Variants in PRPF40B observed in about 807,000 individuals in gnomAD.
PRPF40B encodes the protein pre-mRNA processing factor 40B.
Under a neutral mutation model 124.5 loss-of-function variants are expected in PRPF40B, and 56 were observed. That is an observed-to-expected ratio of 0.45 (90% confidence interval 0.36 to 0.56). PRPF40B has a LOEUF of 0.56. Ranked by LOEUF, PRPF40B falls within the 20% of genes least tolerant of loss-of-function variation. The probability of loss-of-function intolerance (pLI) is 0.00; values close to 1 mark genes in which losing one functional copy is unlikely to be tolerated. For missense variants in PRPF40B, 1,053 were observed against 1,169.5 expected (o/e 0.90, Z 1.45); for synonymous variants, 443 against 426.4 (o/e 1.04, Z -0.48).
At chr12:49,622,715 T>G (rs1940320303), upstream of PRPF40B, 1 of 152,280 alleles carries the variant, frequency 6.6e-6, no homozygotes, top group Non-Finnish European at 1.5e-5. Context: ...TAGCACGGCA[T>G]CACGCGAGTC....
chr12:49,638,823 C>T (rs1335008693), intron 18 of PRPF40B: 1 of 152,170 alleles, frequency 6.6e-6, no homozygotes, highest in Non-Finnish European at 1.5e-5. Context: ...CACCAGAGTA[C>T]ACCTAATTAC....
In PRPF40B at chr12:49,642,586, G is replaced by A. The variant is rs752368520; in HGVS notation, c.2029G>A (p.Glu677Lys). 2.5e-6 allele frequency: 4 copies of A among 1,614,088 alleles called. No individual in the cohort carries two copies. The South Asian group carries it at 4.4e-5, about 18-fold the overall frequency. Reference protein sequence around the residue: ...ELGTAWEEVRERFVCDSAFEQ... With the variant: ...ELGTAWEEVRKRFVCDSAFEQ... ...AGTGCTCTCCTCGTTCAAGGTCCGT[G>A]AGCGTTTTGTGTGTGACTCAGCCTT... The change falls in exon 21 of 26, where the codon GAG becomes AAG. Residue 677 changes from glutamate to lysine, a missense_variant. Glu to Lys is a moderately conservative substitution (Grantham distance 56, BLOSUM62 1). Coordinates refer to ENST00000548825, the MANE Select transcript of PRPF40B (RefSeq NM_001031698.3). This position sits in a 1 kb window ranked among gnomAD's most constrained non-coding sequence, Gnocchi z 5.8.
chr12:49,634,319 C>A lies in PRPF40B; in HGVS notation c.813-13C>A. The stretch of plus-strand genomic sequence containing the variant: ...CTGGGGGACCCTGTGGCTGAGTCCC[C>A]TGTGCCCTCCAGTTCTGGACAGCAT... On this transcript the variant is annotated splice_polypyrimidine_tract_variant and intron_variant, in intron 10 of 25. Transcript: ENST00000548825. The A allele has an allele frequency of 6.2e-7, 1 of 1,614,142 alleles. No individual in the cohort carries two copies. The highest frequency in any genetic ancestry group is 1.1e-5 in the South Asian group (1 of 91,046).
rs1475788895 is a variant in PRPF40B at position 49,635,742 on chromosome 12, C to T, written c.1276-101C>T. 2.1e-6 allele frequency: 3 copies of T among 1,426,288 alleles called. No homozygotes were observed. Among genetic ancestry groups the T allele is most frequent in the African/African-American group, 2.8e-5 (2 of 71,018 alleles). 88.4% of individuals were successfully genotyped at this position (1,426,288 alleles called of 1,614,324 possible). ...TGAAAGTCTTGAGTATGGCCTTCTT[C>T]CTAGGGTTCCCTAGCTACCTTTCCC... is the stretch of plus-strand genomic sequence containing the variant. On this transcript the variant is annotated intron_variant, in intron 14 of 25. Coordinates refer to ENST00000548825, the MANE Select transcript of PRPF40B (RefSeq NM_001031698.3). This position sits in a 1 kb window ranked among gnomAD's most constrained non-coding sequence, Gnocchi z 4.1.
intron 18 of PRPF40B, chr12:49,640,680 G>A (rs1942512261): frequency 6.6e-6 from 1 of 152,234 alleles, no homozygotes; most frequent in South Asian, 2.1e-4. Flanking sequence ...TAATTCATAG[G>A]TAAGGTTGTG....
chr12:49,625,296 C>T (rs893839422), intron 1 of PRPF40B, among the ~76,000 whole-genome samples: 1 of 152,222 alleles, frequency 6.6e-6, no homozygotes, highest in African/African-American at 2.4e-5. Context: ...AGTCAGACTG[C>T]TTGGATTCCA....
At position 49,634,074 on chromosome 12, in the gene PRPF40B, T is replaced by C; in HGVS notation, c.794T>C (p.Leu265Pro). 1 of 1,612,874 alleles carries C rather than the reference T, an allele frequency of 6.2e-7. No individual in the cohort carries two copies. The highest frequency in any genetic ancestry group is 8.5e-7 in the Non-Finnish European group (1 of 1,179,842). The change falls in exon 10 of 26, where the codon CTG becomes CCG. Residue 265 changes from leucine (L) to proline (P), a missense_variant. This residue lies in a region of PRPF40B where 895 missense variants were observed against 1,052.2 expected (regional missense o/e 0.85). Transcript: ENST00000548825. ...CTGGAACAGGGGTTCCTGCAGCAGC[T>C]GGAGGAGGGCCCCAGCAGGTGAGGG... Reference protein sequence around the residue: ...QPLEQGFLQQLEEGPSSSGQH... With the variant: ...QPLEQGFLQQPEEGPSSSGQH...
upstream of PRPF40B, chr12:49,623,416 G>C (rs1940375687): frequency 2.1e-6 from 1 of 471,830 alleles, no homozygotes. Flanking sequence ...GCGGGGCCGG[G>C]ACCGAACACA....
At chr12:49,639,308 C>T (rs931921344) in intron 18 of PRPF40B, 3 of 152,260 alleles carry the variant, frequency 2.0e-5, no homozygotes, top group Non-Finnish European at 4.4e-5. Flanking sequence ...ATTCATTTCA[C>T]TTATCCCCAG....
At chr12:49,634,827 C>A (rs117469208) in intron 12 of PRPF40B, 20 of 642,002 alleles carry the variant, frequency 3.1e-5, no homozygotes, top group Non-Finnish European at 5.3e-5. Context: ...TTGAATCAAA[C>A]GGAATTGAAT....
chr12:49,634,477 G>A (rs774509018), intron 11 of PRPF40B, 22 bp downstream of exon 11: 2 of 1,614,164 alleles, frequency 1.2e-6, no homozygotes, highest in African/African-American at 1.3e-5. Flanking sequence ...GGGCTCCCAG[G>A]GAAGGTTTGG....
chr12:49,632,038 G>C (rs1337404061), intron 4 of PRPF40B, 113 bp downstream of exon 4: 1 of 1,084,032 alleles, frequency 9.2e-7, no homozygotes, highest in Non-Finnish European at 1.4e-6. Flanking sequence ...CATCCACCCA[G>C]GTCCCCGGCA....
In PRPF40B at chr12:49,641,901, C is replaced by A; in HGVS notation, c.1768-7C>A. 1 of 1,612,120 alleles carries A rather than the reference C, an allele frequency of 6.2e-7. No homozygotes were observed. The highest frequency in any genetic ancestry group is 8.5e-7 in the Non-Finnish European group (1 of 1,179,496). On this transcript the variant is annotated splice_region_variant and splice_polypyrimidine_tract_variant and intron_variant, in intron 18 of 25. Transcript: ENST00000548825. ...TGCCCCTGCTTCATGCACTGCTGTACCCACAGGACCGGGGCTTCTGCGTGG... is the reference window on the plus strand; with the variant it reads ...TGCCCCTGCTTCATGCACTGCTGTAACCACAGGACCGGGGCTTCTGCGTGG...
chr12:49,643,589 C>A, intron 23 of PRPF40B, 102 bp from the exon 24 acceptor site: 1 of 1,401,078 alleles, frequency 7.1e-7, no homozygotes, highest in Non-Finnish European at 9.7e-7. Flanking sequence ...TTCCTCAGAG[C>A]ATGAGGTTCC....
chr12:49,630,415 A>G lies in PRPF40B; in HGVS notation c.4-130A>G, dbSNP rs116998798. 3.3e-3 allele frequency: 2,322 copies of G among 695,220 alleles called. 9 individuals carry two copies. Among genetic ancestry groups the G allele is most frequent in the Non-Finnish European group, 5.1e-3 (1,951 of 379,822 alleles). 43.1% of individuals were successfully genotyped at this position (695,220 alleles called of 1,614,324 possible). ...CAAGGGCTAAGGGCTTGGGGTGGGC[A>G]GGAAATCGGGCTTGAAGACCCTCCT... On this transcript the variant is annotated intron_variant, in intron 1 of 25. Transcript: ENST00000548825.
In PRPF40B at chr12:49,637,545, A is replaced by G. The variant is rs1478239934; in HGVS notation, c.1636A>G (p.Ser546Gly). The G allele has an allele frequency of 6.2e-7, 1 of 1,613,902 alleles. No homozygotes were observed. Among genetic ancestry groups the G allele is most frequent in the Non-Finnish European group, 8.5e-7 (1 of 1,180,020 alleles). Residue 546 changes from serine to glycine, a missense_variant, in exon 17 of 26, where the codon AGC (serine) becomes GGC (glycine). Physicochemically the swap from Ser to Gly is moderately conservative, Grantham distance 56 (BLOSUM62 0). Coordinates refer to ENST00000548825, the MANE Select transcript of PRPF40B (RefSeq NM_001031698.3). ...STWMELYPAV[S>G]TDVRFANMLG... The stretch of plus-strand genomic sequence containing the variant: ...CTGGATGGAGCTATATCCAGCAGTC[A>G]GCACTGATGTCCGCTTTGCCAACAT...
Position 49,644,398 on chromosome 12 carries a change from C to A in PRPF40B, c.*206C>A. The A allele has an allele frequency of 1.7e-6, 1 of 599,132 alleles. No individual in the cohort carries two copies. The highest frequency in any genetic ancestry group is 3.0e-6 in the Non-Finnish European group (1 of 334,868). The allele number at this position is 599,132 out of a possible 1,614,324, so 37.1% of individuals were successfully genotyped here. ...ACTCCCTGGACTAGTGCAGTCCTTG[C>A]CCTCAGCCCCAGACCAGAGATGGGT... On this transcript the variant is annotated 3_prime_UTR_variant, in exon 26 of 26. Coordinates refer to ENST00000548825, the MANE Select transcript of PRPF40B (RefSeq NM_001031698.3).
Position 49,630,622 on chromosome 12 carries a change from C to A in PRPF40B, c.81C>A (p.Pro27=). The A allele has an allele frequency of 7.6e-7, 1 of 1,308,102 alleles. No homozygotes were observed. The highest frequency in any genetic ancestry group is 1.1e-6 in the Non-Finnish European group (1 of 902,646). 81.0% of individuals were successfully genotyped at this position (1,308,102 alleles called of 1,614,324 possible). A position where few individuals can be genotyped will look rare whatever the true frequency, so the allele number is the denominator to read the frequency against. ...FPPGPPMMPP[P]FMPPPGIPPP... ...CGGGGCCCCCCATGATGCCACCACCCTTCGTAAGTTTTATGTCTTTCCCTG... is the reference window on the plus strand; with the variant it reads ...CGGGGCCCCCCATGATGCCACCACCATTCGTAAGTTTTATGTCTTTCCCTG... The change falls in exon 2 of 26, where the codon CCC becomes CCA. Residue 27 remains proline, a synonymous_variant. Coordinates refer to ENST00000548825, the MANE Select transcript of PRPF40B (RefSeq NM_001031698.3).
intron 4 of PRPF40B, chr12:49,632,337 G>C: frequency 3.5e-6 from 2 of 570,668 alleles, no homozygotes; most frequent in Non-Finnish European, 6.2e-6. Context: ...GGCATCCACT[G>C]TGAAGGAATG....
Sources: allele counts gnomAD v4.1 joint callset (sites outside exome capture counted in the v4.1 genomes callset), GRCh38; gene constraint gnomAD v4.1.1; regional missense constraint gnomAD v4.1.1; non-coding constraint Gnocchi (gnomAD v3.1); transcripts MANE v1.5; gene names NCBI Gene and HGNC (gene_info 2026-07-23, HGNC 2026-07-21).